Variants in DTD1 observed in about 807,000 individuals in gnomAD.
DTD1 encodes D-aminoacyl-tRNA deacylase 1, also known as D-tyrosyl-tRNA deacylase 1 homolog.
Under a neutral mutation model 25.6 loss-of-function variants are expected in DTD1, and 13 were observed. The ratio of observed to expected loss-of-function variants is 0.51; its 90% confidence interval spans 0.33 to 0.81. The LOEUF (loss-of-function observed/expected upper bound fraction) is 0.81, where lower values mean the gene tolerates loss of function less well. Among genes scored for constraint, DTD1 ranks in the 30% least tolerant of loss-of-function variants. The probability of loss-of-function intolerance (pLI) is 0.02; values close to 1 mark genes in which losing one functional copy is unlikely to be tolerated. For synonymous variants in DTD1, 110 were observed against 103.6 expected (o/e 1.06, Z -0.37); for missense variants, 193 against 266.4 (o/e 0.72, Z 1.92).
Position 18,636,633 on chromosome 20 carries a change from T to G in DTD1, c.477+8400T>G, listed in dbSNP as rs181342743. 3.7e-3 allele frequency among the ~76,000 whole-genome samples: 570 copies of G among 152,272 alleles called. 2 individuals carry two copies. The highest frequency in any genetic ancestry group is 0.013 in the African/African-American group (535 of 41,560). ...AAGGTTAGGATGGGTCAGTGGGGTG[T>G]GAGTTGGATCAAGTAGACTCTTAGG... On this transcript the variant is annotated intron_variant, in intron 4 of 5. Coordinates refer to ENST00000377452, the MANE Select transcript of DTD1 (RefSeq NM_080820.6).
intron 4 of DTD1, among the ~76,000 whole-genome samples, chr20:18,680,149 C>T (rs970089524): frequency 9.2e-5 from 14 of 152,110 alleles, no homozygotes; most frequent in African/African-American, 3.1e-4. Context: ...ATTAATTTCA[C>T]TGGTGAGAAC....
At chr20:18,616,375 C>G (rs1034170378) in intron 3 of DTD1, among the ~76,000 whole-genome samples, 5 of 152,134 alleles carry the variant, frequency 3.3e-5, no homozygotes, top group African/African-American at 7.2e-5. Context: ...TATCTACTTT[C>G]GTTATTAAAC....
At chr20:18,663,208 G>A (rs1309165339) in intron 4 of DTD1, among the ~76,000 whole-genome samples, 2 of 152,106 alleles carry the variant, frequency 1.3e-5, no homozygotes, top group Non-Finnish European at 1.5e-5. Context: ...ATCTAGTTTG[G>A]TAGAAAAGTT....
intron 4 of DTD1, among the ~76,000 whole-genome samples, chr20:18,641,226 G>T (rs972391202): frequency 6.6e-6 from 1 of 152,028 alleles, no homozygotes; most frequent in Non-Finnish European, 1.5e-5. Context: ...ACCGTATTTT[G>T]TCTATCCATT....
At chr20:18,740,319 T>G (rs1276449142) in intron 4 of DTD1, among the ~76,000 whole-genome samples, 2 of 152,084 alleles carry the variant, frequency 1.3e-5, no homozygotes, top group East Asian at 1.9e-4. Flanking sequence ...GTTTTTTTTT[T>G]GTTTTGTTTT....
intron 4 of DTD1, among the ~76,000 whole-genome samples, chr20:18,682,591 G>A (rs936676581): frequency 4.6e-5 from 7 of 152,220 alleles, no homozygotes; most frequent in Admixed American, 2.0e-4. Flanking sequence ...TTAGCTGTCT[G>A]TAGTCTCTTT....
intron 4 of DTD1, among the ~76,000 whole-genome samples, chr20:18,712,572 T>G (rs772411020): frequency 6.6e-6 from 1 of 152,168 alleles, no homozygotes; most frequent in South Asian, 2.1e-4. Context: ...AGATCCCATA[T>G]GAAAACGAAA....
At chr20:18,607,683 A>G (rs894228039) in intron 3 of DTD1, among the ~76,000 whole-genome samples, 1 of 151,972 alleles carries the variant, frequency 6.6e-6, no homozygotes, top group African/African-American at 2.4e-5. Context: ...CAATGGATAT[A>G]GGTCTATCCA....
In DTD1 at chr20:18,632,530, T is replaced by C. The variant is rs1172713907; in HGVS notation, c.477+4297T>C. 4 of 985,324 alleles carry C rather than the reference T, an allele frequency of 4.1e-6. No homozygotes were observed. The African/African-American group carries it at 5.2e-5, about 13-fold the overall frequency. 61.0% of individuals were successfully genotyped at this position (985,324 alleles called of 1,614,324 possible). A position where few individuals can be genotyped will look rare whatever the true frequency, so the allele number is the denominator to read the frequency against. On this transcript the variant is annotated intron_variant, in intron 4 of 5. Transcript: ENST00000377452. Reference sequence around the variant, plus strand: ...GCTAATTTGCTTGCTTTTGTGTTGATAGGAGGAGCACAGCCAAATTCTTTT... The same window carrying C: ...GCTAATTTGCTTGCTTTTGTGTTGACAGGAGGAGCACAGCCAAATTCTTTT...
chr20:18,622,391 G>T (rs369540961), intron 3 of DTD1, among the ~76,000 whole-genome samples: 1 of 152,280 alleles, frequency 6.6e-6, no homozygotes, highest in South Asian at 2.1e-4. Flanking sequence ...TTACCTGACT[G>T]CAGGAAAAAG....
intron 3 of DTD1, chr20:18,610,975 T>C (rs2122276570): frequency 9.3e-6 from 1 of 107,394 alleles, no homozygotes; most frequent in African/African-American, 2.9e-5. Context: ...ATCATAGAAC[T>C]ATTTTGATTA....
At position 18,612,897 on chromosome 20, in the gene DTD1, G is replaced by A. The variant is rs180700959; in HGVS notation, c.371-15230G>A. Among the ~76,000 whole-genome samples, 18 of 152,260 alleles carry A rather than the reference G, an allele frequency of 1.2e-4. No homozygotes were observed. The East Asian group carries it at 3.5e-3, about 29-fold the overall frequency. ...TGGTCTGGAACTCCTGACCTCAAGT[G>A]ATCTGCACACTTCCGCCTCCCAAAG... is the stretch of plus-strand genomic sequence containing the variant. On this transcript the variant is annotated intron_variant, in intron 3 of 5. Coordinates refer to ENST00000377452, the MANE Select transcript of DTD1 (RefSeq NM_080820.6).
chr20:18,744,050 G>A, intron 4 of DTD1, 50 bp from the exon 5 acceptor site: 1 of 1,529,882 alleles, frequency 6.5e-7, no homozygotes, highest in Non-Finnish European at 8.8e-7. Flanking sequence ...GGGATACACA[G>A]GCATGTGTTT....
At chr20:18,728,372 C>G (rs1056969339) in intron 4 of DTD1, among the ~76,000 whole-genome samples, 2 of 152,220 alleles carry the variant, frequency 1.3e-5, no homozygotes, top group Non-Finnish European at 2.9e-5. Context: ...AACCGTGCTC[C>G]CTATGAAACC....
intron 1 of DTD1, among the ~76,000 whole-genome samples, chr20:18,592,059 G>A (rs2060591650): frequency 6.6e-6 from 1 of 152,204 alleles, no homozygotes; most frequent in African/African-American, 2.4e-5. Flanking sequence ...TCTTGCCATT[G>A]CAACTGAAGA....
chr20:18,645,314 G>A (rs1208166972), intron 4 of DTD1, among the ~76,000 whole-genome samples: 1 of 152,226 alleles, frequency 6.6e-6, no homozygotes, highest in Non-Finnish European at 1.5e-5. Context: ...TGCAGAAATG[G>A]AAACAAGGAG....
At chr20:18,620,583 ACTTT>A (rs1228164852) in intron 3 of DTD1, among the ~76,000 whole-genome samples, 2 of 150,832 alleles carry the variant, frequency 1.3e-5, no homozygotes, top group African/African-American at 4.9e-5. Context: ...TCATAGGCTG[ACTTT>A]CTTTTTTTCT....
intron 4 of DTD1, among the ~76,000 whole-genome samples, chr20:18,710,307 T>TA (rs1286314754): frequency 1.3e-5 from 2 of 152,184 alleles, no homozygotes; most frequent in Non-Finnish European, 2.9e-5. Flanking sequence ...GATCATTTCA[T>TA]AAAAAATGGA....
At chr20:18,649,480 A>T (rs914151435) in intron 4 of DTD1, among the ~76,000 whole-genome samples, 2 of 151,464 alleles carry the variant, frequency 1.3e-5, no homozygotes, top group African/African-American at 4.9e-5. Context: ...CTGGCACTAC[A>T]GGTGCCTGCC....
Sources: allele counts gnomAD v4.1 joint callset (sites outside exome capture counted in the v4.1 genomes callset), GRCh38; gene constraint gnomAD v4.1.1; transcripts MANE v1.5; gene names NCBI Gene and HGNC (gene_info 2026-07-23, HGNC 2026-07-21).